PIEZO2: variants seen among roughly 807,000 people sequenced by gnomAD.
PIEZO2 encodes the protein piezo-type mechanosensitive ion channel component 2.
Under a neutral mutation model 337.3 loss-of-function variants are expected in PIEZO2, and 172 were observed. That is an observed-to-expected ratio of 0.51 (90% CI 0.45 to 0.58). The LOEUF is 0.58. Ranked by LOEUF, PIEZO2 falls within the 20% of genes least tolerant of loss-of-function variation. The pLI, the probability that PIEZO2 is intolerant of heterozygous loss-of-function variation, is 0.00. For missense variants in PIEZO2, 3,028 were observed against 3,391.3 expected (o/e 0.89, Z 2.66); for synonymous variants, 1,251 against 1,228.5 (o/e 1.02, Z -0.38).
Position 10,846,225 on chromosome 18 carries a change from G to C in PIEZO2, c.917+9128C>G, listed in dbSNP as rs2041355780. On this transcript the variant is annotated intron_variant, in intron 7 of 55. Transcript: ENST00000674853. This position sits in a 1 kb window ranked among gnomAD's most constrained non-coding sequence, Gnocchi z 4.1. ...CACAATCATGGCAGAAGGCAAGGAG[G>C]AGCAAGTCACATCTTACACAGATGG... Among the ~76,000 whole-genome samples the C allele has an allele frequency of 6.6e-6, 1 of 152,178 alleles. No homozygotes were observed. The highest frequency in any genetic ancestry group is 6.6e-5 in the Admixed American group (1 of 15,262).
Position 10,822,726 on chromosome 18 carries a change from T to C in PIEZO2, c.918-15452A>G, listed in dbSNP as rs1443717946. ...GTTAGATGTTATCAATGCTTCTCTT[T>C]GCAATTTTGTGAACGCGTTGGGGTG... On this transcript the variant is annotated intron_variant, in intron 7 of 55. Transcript: ENST00000674853. Among the ~76,000 whole-genome samples the C allele has an allele frequency of 3.3e-5, 5 of 152,206 alleles. No homozygotes were observed. In the East Asian group the frequency reaches 9.6e-4, roughly 29 times the overall value.
At chr18:10,807,873 A>T (rs1313334842) in intron 7 of PIEZO2, among the ~76,000 whole-genome samples, 1 of 152,200 alleles carries the variant, frequency 6.6e-6, no homozygotes, top group East Asian at 1.9e-4. Context: ...TTTTCTTTGA[A>T]ATATGACTTT....
At chr18:10,790,152 GAGACAT>G (rs1268838224) in intron 14 of PIEZO2, among the ~76,000 whole-genome samples, 1 of 152,162 alleles carries the variant, frequency 6.6e-6, no homozygotes, top group African/African-American at 2.4e-5. Context: ...ATGTTGAACA[GAGACAT>G]CCAAACTCAT....
chr18:10,867,194 T>G (rs1038634873), intron 5 of PIEZO2, among the ~76,000 whole-genome samples: 1 of 152,228 alleles, frequency 6.6e-6, no homozygotes, highest in Admixed American at 6.5e-5. Flanking sequence ...CCAGGAAATT[T>G]AAAGCTGGAG....
chr18:10,691,782 C>CATATATATATATAT (rs33977962), intron 47 of PIEZO2, among the ~76,000 whole-genome samples: 44 of 96,544 alleles, frequency 4.6e-4, no homozygotes, highest in East Asian at 8.6e-4. Context: ...CACACACACA[C>CATATATATATATAT]ATATATATAT....
intron 2 of PIEZO2, among the ~76,000 whole-genome samples, chr18:11,017,910 T>C (rs1249499252): frequency 6.6e-6 from 1 of 152,176 alleles, no homozygotes; most frequent in Non-Finnish European, 1.5e-5. Context: ...GGAGGACAGC[T>C]TGAGCTCAGA....
At position 10,861,516 on chromosome 18, in the gene PIEZO2, C is replaced by T. The variant is rs995185330; in HGVS notation, c.493-4305G>A. ...TAAGCCAGGCACAGAAAGACAAATA[C>T]GGCATGATCTCACTTATACGTGGAA... On this transcript the variant is annotated intron_variant, in intron 5 of 55. Coordinates refer to ENST00000674853, the MANE Select transcript of PIEZO2 (RefSeq NM_001378183.1). The surrounding 1 kb of genome is among the most constrained non-coding windows in gnomAD (Gnocchi z 4.3). Among the ~76,000 whole-genome samples, 1 of 151,992 alleles carries T rather than the reference C, an allele frequency of 6.6e-6. No homozygotes were observed. Among genetic ancestry groups the T allele is most frequent in the African/African-American group, 2.4e-5 (1 of 41,348 alleles).
At chr18:11,114,919 G>A (rs2039843976) in intron 1 of PIEZO2, among the ~76,000 whole-genome samples, 1 of 152,096 alleles carries the variant, frequency 6.6e-6, no homozygotes, top group African/African-American at 2.4e-5. Context: ...TAACAACAGA[G>A]GAGCAATTTG....
intron 7 of PIEZO2, among the ~76,000 whole-genome samples, chr18:10,844,239 C>T (rs887108105): frequency 4.1e-4 from 62 of 151,478 alleles, no homozygotes; most frequent in African/African-American, 1.5e-3. Flanking sequence ...GCCAACATGG[C>T]GAAGCCCCAT....
chr18:11,081,426 C>G (rs1171230011), intron 1 of PIEZO2, among the ~76,000 whole-genome samples: 1 of 152,154 alleles, frequency 6.6e-6, no homozygotes, highest in Non-Finnish European at 1.5e-5. Context: ...TCGAGCAAGT[C>G]CATTGATATC....
intron 55 of PIEZO2, 73 bp from the exon 56 acceptor site, chr18:10,671,852 A>G (rs2033793688): frequency 2.3e-6 from 3 of 1,308,780 alleles, no homozygotes; most frequent in Admixed American, 2.6e-5. Context: ...TGTCTAAAAG[A>G]AAAAAATATT....
chr18:11,081,171 A>G (rs1451902361), intron 1 of PIEZO2, among the ~76,000 whole-genome samples: 1 of 152,226 alleles, frequency 6.6e-6, no homozygotes, highest in Non-Finnish European at 1.5e-5. Flanking sequence ...AGGTGTGTGA[A>G]GCTAAGCTCC....
At chr18:10,822,902 A>G (rs2144477898) in intron 7 of PIEZO2, among the ~76,000 whole-genome samples, 1 of 152,370 alleles carries the variant, frequency 6.6e-6, no homozygotes, top group South Asian at 2.1e-4. Flanking sequence ...ACCCAGAAAA[A>G]TCAGCGGCTC....
intron 7 of PIEZO2, among the ~76,000 whole-genome samples, chr18:10,848,034 G>T (rs2041418869): frequency 6.6e-6 from 1 of 152,176 alleles, no homozygotes. Context: ...GTCTTTCTGT[G>T]CTGTTTCTGT....
At position 11,027,526 on chromosome 18, in the gene PIEZO2, AC is replaced by A. The variant is rs2036580292; in HGVS notation, c.160+38600del. Among the ~76,000 whole-genome samples, 1 of 152,214 alleles carries A rather than the reference AC, an allele frequency of 6.6e-6. No homozygotes were observed. Among genetic ancestry groups the A allele is most frequent in the Admixed American group, 6.5e-5 (1 of 15,288 alleles). ...GATATAGGTTTTGCATGAGAGTTAT[AC>A]CTAAAAGTCATCTGGAATAATCTTT... On this transcript the variant is annotated intron_variant, in intron 2 of 55. Transcript: ENST00000674853. The surrounding 1 kb of genome is among the most constrained non-coding windows in gnomAD (Gnocchi z 4.2).
rs1248424111 is a variant in PIEZO2, at chr18:11,071,224, C to T, written c.65-5002G>A. Among the ~76,000 whole-genome samples, 4 of 152,190 alleles carry T rather than the reference C, an allele frequency of 2.6e-5. No homozygotes were observed. In the East Asian group the frequency reaches 7.7e-4, roughly 29 times the overall value. On this transcript the variant is annotated intron_variant, in intron 1 of 55. Transcript: ENST00000674853. ...TTCAAAGCAGAAAGAAATGTTCACA[C>T]CACAGATTGGAGTGACAGGCAAATA...
intron 30 of PIEZO2, among the ~76,000 whole-genome samples, chr18:10,745,901 C>T (rs1339671806): frequency 1.3e-5 from 2 of 152,156 alleles, no homozygotes; most frequent in African/African-American, 2.4e-5. Context: ...GGTCAGTCTT[C>T]CCTCCCTGTT....
At position 10,747,587 on chromosome 18, in the gene PIEZO2, C is replaced by T. The variant is rs140838021; in HGVS notation, c.4424+884G>A. On this transcript the variant is annotated intron_variant, in intron 30 of 55. Coordinates refer to ENST00000674853, the MANE Select transcript of PIEZO2 (RefSeq NM_001378183.1). ...GTCATTGTCATCCACGGAATGAGGG[C>T]TGGGTGTGCCACAAGGCTCTTCTGA... Among the ~76,000 whole-genome samples, 13 of 152,292 alleles carry T rather than the reference C, an allele frequency of 8.5e-5. 1 individual carries two copies. In the East Asian group the frequency reaches 2.3e-3, roughly 27 times the overall value.
chr18:10,793,258 C>CAAAA (rs571365611), intron 13 of PIEZO2, among the ~76,000 whole-genome samples: 11 of 144,634 alleles, frequency 7.6e-5, no homozygotes, highest in African/African-American at 2.8e-4. Context: ...AACTCCGTCT[C>CAAAA]AAAAAAAAAA....
Sources: allele counts gnomAD v4.1 joint callset (sites outside exome capture counted in the v4.1 genomes callset), GRCh38; gene constraint gnomAD v4.1.1; non-coding constraint Gnocchi (gnomAD v3.1); transcripts MANE v1.5; gene names NCBI Gene and HGNC (gene_info 2026-07-23, HGNC 2026-07-21).